LRRIQ1: variants seen among roughly 807,000 people sequenced by gnomAD.
The protein encoded by LRRIQ1 is leucine rich repeats and IQ motif containing 1.
A neutral mutation model predicts 211.9 loss-of-function variants in LRRIQ1; 210 were observed. The ratio of observed to expected loss-of-function variants is 0.99; its 90% CI spans 0.89 to 1.11. LRRIQ1 has a LOEUF of 1.11. Ranked by LOEUF, LRRIQ1 falls within the 50% of genes most tolerant of loss-of-function variation. LRRIQ1 has a pLI of 0.00. For synonymous variants in LRRIQ1, 699 were observed against 650.1 expected, an observed-to-expected ratio of 1.08 and a Z score of -1.14; for missense variants, 2,136 against 1,939.5, an observed-to-expected ratio of 1.10 and a Z score of -1.90.
At chr12:85,220,290 T>C (rs570613750) in intron 24 of LRRIQ1, among the ~76,000 whole-genome samples, 3 of 152,218 alleles carry the variant, frequency 2.0e-5, no homozygotes, top group African/African-American at 7.2e-5. Context: ...CATGGGAAAG[T>C]TGCCATAAGT....
chr12:85,047,491 A>T (rs1269316199), intron 6 of LRRIQ1, 21 bp downstream of exon 6: 2 of 1,591,474 alleles, frequency 1.3e-6, no homozygotes, highest in Admixed American at 1.7e-5. Context: ...TTTGTTTTTC[A>T]TGTATTTTTA....
the LRRIQ1 span, among the ~76,000 whole-genome samples, chr12:85,270,662 T>C: frequency 6.6e-6 from 1 of 152,156 alleles, no homozygotes; most frequent in Non-Finnish European, 1.5e-5. Flanking sequence ...GATCTCACAA[T>C]CTGAATTTTA....
chr12:85,212,169 C>T (rs2137073970), intron 24 of LRRIQ1, among the ~76,000 whole-genome samples: 1 of 152,160 alleles, frequency 6.6e-6, no homozygotes. Flanking sequence ...CCTGTAGTCC[C>T]AGCTGCTTGG....
At chr12:85,088,256 A>T (rs1210321739) in intron 11 of LRRIQ1, among the ~76,000 whole-genome samples, 3 of 152,092 alleles carry the variant, frequency 2.0e-5, no homozygotes, top group Non-Finnish European at 4.4e-5. Context: ...AGATGGTTGT[A>T]GATGTGTGGT....
chr12:85,082,059 T>G (rs2136172399), intron 11 of LRRIQ1, among the ~76,000 whole-genome samples: 1 of 152,206 alleles, frequency 6.6e-6, no homozygotes, highest in African/African-American at 2.4e-5. Context: ...CTTTTCTTCC[T>G]TTTGATGTAG....
At chr12:85,099,851 T>G (rs1886209153) in intron 13 of LRRIQ1, among the ~76,000 whole-genome samples, 1 of 151,828 alleles carries the variant, frequency 6.6e-6, no homozygotes, top group African/African-American at 2.4e-5. Flanking sequence ...AGGCATATAC[T>G]AAATGACTTA....
chr12:85,198,087 T>G (rs1483565698), intron 24 of LRRIQ1, among the ~76,000 whole-genome samples: 2 of 106,152 alleles, frequency 1.9e-5, no homozygotes, highest in Admixed American at 2.5e-4. Context: ...TATAATTTAT[T>G]ATATTATATA....
chr12:85,204,910 A>C (rs770569268), intron 24 of LRRIQ1, among the ~76,000 whole-genome samples: 6 of 152,056 alleles, frequency 3.9e-5, no homozygotes, highest in Non-Finnish European at 7.4e-5. Context: ...TGAGGACTTG[A>C]TATTTGGCAG....
chr12:85,216,322 T>C (rs1343099515), intron 24 of LRRIQ1, among the ~76,000 whole-genome samples: 1 of 152,168 alleles, frequency 6.6e-6, no homozygotes, highest in Non-Finnish European at 1.5e-5. Context: ...GCTTCATCTA[T>C]GTCCCTGCAA....
At chr12:85,197,310 C>T (rs1301480450) in intron 24 of LRRIQ1, among the ~76,000 whole-genome samples, 1 of 151,654 alleles carries the variant, frequency 6.6e-6, no homozygotes, top group African/African-American at 2.4e-5. Context: ...CCATTTGACC[C>T]AGCCATCCCA....
At chr12:85,071,413 CAG>C (rs1883070012) in intron 10 of LRRIQ1, among the ~76,000 whole-genome samples, 1 of 151,928 alleles carries the variant, frequency 6.6e-6, no homozygotes, top group African/African-American at 2.4e-5. Flanking sequence ...GTGAAATGAG[CAG>C]AGTTTTCCTA....
chr12:85,272,062 A>C, the LRRIQ1 span, among the ~76,000 whole-genome samples: 1 of 152,196 alleles, frequency 6.6e-6, no homozygotes, highest in East Asian at 1.9e-4. Context: ...TGCATGACGT[A>C]CCATAGAGAC....
chr12:85,180,669 A>T (rs2136880068), intron 24 of LRRIQ1, among the ~76,000 whole-genome samples: 1 of 152,086 alleles, frequency 6.6e-6, no homozygotes, highest in South Asian at 2.1e-4. Flanking sequence ...AGAGTTGAGT[A>T]AATGAATTAG....
chr12:85,112,855 T>C (rs374653318), intron 15 of LRRIQ1, among the ~76,000 whole-genome samples: 1 of 152,246 alleles, frequency 6.6e-6, no homozygotes, highest in South Asian at 2.1e-4. Flanking sequence ...GGGCACAAAA[T>C]CCCTGTTCTC....
At chr12:85,062,813 T>C (rs568210500) in intron 8 of LRRIQ1, among the ~76,000 whole-genome samples, 1 of 151,858 alleles carries the variant, frequency 6.6e-6, no homozygotes, top group Non-Finnish European at 1.5e-5. Context: ...TTTATATCTC[T>C]ACCAACAATG....
In LRRIQ1 at chr12:85,057,162, G is replaced by A. The variant is rs569224717; in HGVS notation, c.2369G>A (p.Gly790Asp). Residue 790 changes from glycine (G) to aspartate (D), a missense_variant, in exon 8 of 27, where the codon GGC (glycine) becomes GAC (aspartate). By Grantham distance (94) the Gly-to-Asp change is moderately conservative. Transcript: ENST00000393217. ...GATAAACTGGAAATTCTTCGATGTG[G>A]CCCTTGGGATACTTTACAGCAGGTA... Reference protein sequence around the residue: ...ALDKLEILRCGPWDTLQQVTT... With the variant: ...ALDKLEILRCDPWDTLQQVTT... The A allele has an allele frequency of 2.6e-6, 4 of 1,537,488 alleles. No homozygotes were observed. The East Asian group carries it at 6.9e-5, about 27-fold the overall frequency.
At chr12:85,156,439 A>T (rs1180995034) in intron 23 of LRRIQ1, among the ~76,000 whole-genome samples, 1 of 151,782 alleles carries the variant, frequency 6.6e-6, no homozygotes, top group Non-Finnish European at 1.5e-5. Flanking sequence ...TGTTCAGTTG[A>T]TGATGTAGAA....
chr12:85,202,181 A>G (rs756290932), intron 24 of LRRIQ1, among the ~76,000 whole-genome samples: 7 of 151,878 alleles, frequency 4.6e-5, no homozygotes, highest in African/African-American at 7.3e-5. Flanking sequence ...TGTTGTTTCA[A>G]TTTGCTGAGG....
intron 19 of LRRIQ1, among the ~76,000 whole-genome samples, chr12:85,145,055 G>T (rs1889796577): frequency 6.6e-6 from 1 of 150,696 alleles, no homozygotes; most frequent in Admixed American, 6.6e-5. Flanking sequence ...GTTGCCTTTA[G>T]GATTAAAACT....
Sources: gnomAD v4.1 joint callset for allele counts (sites outside exome capture counted in the v4.1 genomes callset) on GRCh38, gnomAD v4.1.1 for gene constraint, MANE v1.5 for transcripts, NCBI Gene and HGNC (gene_info 2026-07-23, HGNC 2026-07-21) for gene names.